The following CNTNAP2 variants were observed in gnomAD, a reference collection of about 807,000 sequenced individuals.
CNTNAP2 encodes contactin-associated protein-like 2.
Under a neutral mutation model 155.2 loss-of-function variants are expected in CNTNAP2, and 98 were observed. The observed-to-expected ratio is 0.63, with a 90% CI of 0.54 to 0.75. The LOEUF (loss-of-function observed/expected upper bound fraction) is 0.75. Ranked by LOEUF, CNTNAP2 falls within the 30% of genes least tolerant of loss-of-function variation. CNTNAP2 has a pLI of 0.00. For missense variants in CNTNAP2, 1,727 were observed against 1,688.1 expected, an observed-to-expected ratio of 1.02 and a Z score of -0.40; for synonymous variants, 651 against 631.2, an observed-to-expected ratio of 1.03 and a Z score of -0.47.
chr7:146,151,682 G>GTATATATATATATATATA (rs775446723), intron 1 of CNTNAP2, among the ~76,000 whole-genome samples: 3 of 74,138 alleles, frequency 4.0e-5, no homozygotes, highest in Non-Finnish European at 8.3e-5. Flanking sequence ...ATATATATAT[G>GTATATATATATATATATA]TATATATATA....
At chr7:146,221,425 G>T (rs1461172764) in intron 1 of CNTNAP2, among the ~76,000 whole-genome samples, 1 of 151,952 alleles carries the variant, frequency 6.6e-6, no homozygotes, top group Non-Finnish European at 1.5e-5. Context: ...GATACTGAAG[G>T]ATATACTGAA....
chr7:147,991,714 T>A (rs1166460180), intron 15 of CNTNAP2, among the ~76,000 whole-genome samples: 1 of 152,190 alleles, frequency 6.6e-6, no homozygotes, highest in Admixed American at 6.5e-5. Context: ...CCTTCAGAGA[T>A]CCAAGTAGAG....
chr7:146,576,041 G>C (rs1166857888), intron 1 of CNTNAP2, among the ~76,000 whole-genome samples: 1 of 152,164 alleles, frequency 6.6e-6, no homozygotes, highest in African/African-American at 2.4e-5. Context: ...TGGCCTGAAA[G>C]CAACCAACAT....
chr7:146,665,185 G>T (rs935873074), intron 1 of CNTNAP2, among the ~76,000 whole-genome samples: 3 of 152,132 alleles, frequency 2.0e-5, no homozygotes, highest in Non-Finnish European at 4.4e-5. Context: ...CTGACCTCAG[G>T]TGATCTGCCC....
At chr7:148,290,461 C>G (rs6464867) in intron 21 of CNTNAP2, among the ~76,000 whole-genome samples, 86,769 of 152,132 alleles carry the variant, frequency 0.57, 25,843 homozygotes, top group East Asian at 0.78. Context: ...CATTTTTTAT[C>G]ATTTTGAAAG....
intron 11 of CNTNAP2, among the ~76,000 whole-genome samples, chr7:147,559,139 G>C (rs973049695): frequency 1.3e-5 from 2 of 152,192 alleles, no homozygotes; most frequent in African/African-American, 4.8e-5. Flanking sequence ...GTCTCCCAAA[G>C]TGTTGGGATT....
At chr7:148,380,203 C>T (rs745919655) in intron 21 of CNTNAP2, among the ~76,000 whole-genome samples, 10 of 152,266 alleles carry the variant, frequency 6.6e-5, no homozygotes, top group East Asian at 1.9e-4. Flanking sequence ...CCAGGCAGAA[C>T]GTTGTTTCTT....
In CNTNAP2 at chr7:147,128,793, T is replaced by A. The variant is rs1801291440; in HGVS notation, c.1040T>A (p.Ile347Asn). The change falls in exon 7 of 24, where the codon ATT becomes AAT. Residue 347 changes from isoleucine to asparagine, a missense_variant. Coordinates refer to ENST00000361727, the MANE Select transcript of CNTNAP2 (RefSeq NM_014141.6). ...AGCATCAACTACAATGGCGTCAACATTACTGATCTTGCCAGAAGGAAGAAA... is the reference window on the plus strand; with the variant it reads ...AGCATCAACTACAATGGCGTCAACAATACTGATCTTGCCAGAAGGAAGAAA... ...MESINYNGVN[I>N]TDLARRKKLE... 17 of 1,613,954 alleles carry A rather than the reference T, an allele frequency of 1.1e-5. No individual in the cohort carries two copies. Among genetic ancestry groups the A allele is most frequent in the Non-Finnish European group, 1.4e-5 (16 of 1,179,956 alleles).
intron 22 of CNTNAP2, among the ~76,000 whole-genome samples, chr7:148,401,476 T>C (rs537034203): frequency 6.6e-6 from 1 of 152,314 alleles, no homozygotes; most frequent in African/African-American, 2.4e-5. Flanking sequence ...CTGGAACAAT[T>C]TGCCCACCTG....
intron 13 of CNTNAP2, among the ~76,000 whole-genome samples, chr7:147,805,755 C>T (rs1798081057): frequency 6.6e-6 from 1 of 152,140 alleles, no homozygotes; most frequent in Non-Finnish European, 1.5e-5. Flanking sequence ...TTGAGCCATC[C>T]TTGCATCCCT....
chr7:146,646,894 T>C (rs1050338706), intron 1 of CNTNAP2, among the ~76,000 whole-genome samples: 4 of 151,970 alleles, frequency 2.6e-5, no homozygotes, highest in African/African-American at 9.7e-5. Flanking sequence ...GAGCAAAAAT[T>C]AAATGGAATC....
At chr7:148,111,537 GA>G (rs71834229) in intron 15 of CNTNAP2, among the ~76,000 whole-genome samples, 1,654 of 145,746 alleles carry the variant, frequency 0.011, 28 homozygotes, top group African/African-American at 0.037. Context: ...AACAAAATTA[GA>G]AAAAAAAAAA....
At chr7:147,430,730 G>A (rs62481227) in intron 10 of CNTNAP2, among the ~76,000 whole-genome samples, 26,085 of 152,022 alleles carry the variant, frequency 0.17, 2,378 homozygotes, top group Non-Finnish European at 0.19. Context: ...ATTATAGGGT[G>A]CAGAGAAACA....
chr7:147,417,203 C>G (rs1194692609), intron 10 of CNTNAP2, among the ~76,000 whole-genome samples: 2 of 152,094 alleles, frequency 1.3e-5, no homozygotes, highest in South Asian at 2.1e-4. Flanking sequence ...AATATTATAA[C>G]TCATTGTTTT....
intron 1 of CNTNAP2, among the ~76,000 whole-genome samples, chr7:146,611,279 C>G (rs965920175): frequency 1.3e-5 from 2 of 152,100 alleles, no homozygotes; most frequent in African/African-American, 4.8e-5. Context: ...TTTGTCGATA[C>G]AGAGTCTCAC....
intron 8 of CNTNAP2, among the ~76,000 whole-genome samples, chr7:147,154,488 G>A (rs1383244923): frequency 1.3e-5 from 2 of 152,086 alleles, no homozygotes; most frequent in African/African-American, 2.4e-5. Context: ...AAACTTACTT[G>A]TTTATCATAA....
chr7:148,219,391 A>G (rs1795702417), intron 19 of CNTNAP2, among the ~76,000 whole-genome samples: 1 of 152,100 alleles, frequency 6.6e-6, no homozygotes, highest in African/African-American at 2.4e-5. Context: ...CTGTTATGGC[A>G]TCTTAAAGAG....
chr7:147,584,198 A>G (rs1800573826), intron 12 of CNTNAP2, among the ~76,000 whole-genome samples: 1 of 152,212 alleles, frequency 6.6e-6, no homozygotes, highest in East Asian at 1.9e-4. Flanking sequence ...TAATTTTTAA[A>G]AGATTAGAAG....
intron 8 of CNTNAP2, among the ~76,000 whole-genome samples, chr7:147,170,574 C>CTGAGTT (rs1554446320): frequency 6.6e-5 from 10 of 151,404 alleles, no homozygotes; most frequent in Non-Finnish European, 1.5e-4. Flanking sequence ...GCATCTCACC[C>CTGAGTT]TTCTGAGTGT....
Sources: gnomAD v4.1 joint callset for allele counts (sites outside exome capture counted in the v4.1 genomes callset) on GRCh38, gnomAD v4.1.1 for gene constraint, MANE v1.5 for transcripts, NCBI Gene and HGNC (gene_info 2026-07-23, HGNC 2026-07-21) for gene names.